The following TRPM3 variants were observed in gnomAD, a reference collection of about 807,000 sequenced individuals.
TRPM3 encodes the protein transient receptor potential cation channel subfamily M member 3.
TRPM3 carries 77 observed loss-of-function variants against 181.2 expected under a neutral mutation model. The ratio of observed to expected loss-of-function variants is 0.42; its 90% CI spans 0.35 to 0.51. TRPM3 has a LOEUF of 0.51. Among genes scored for constraint, TRPM3 ranks in the 20% least tolerant of loss-of-function variants. The probability of loss-of-function intolerance (pLI) is 0.01; values close to 1 mark genes in which losing one functional copy is unlikely to be tolerated. For synonymous variants in TRPM3, 745 were observed against 796.4 expected (o/e 0.94, Z 1.09); for missense variants, 1,759 against 2,196.7 (o/e 0.80, Z 3.98).
At chr9:71,317,633 CCT>C (rs2088746216) in intron 1 of TRPM3, among the ~76,000 whole-genome samples, 1 of 145,790 alleles carries the variant, frequency 6.9e-6, no homozygotes, top group Non-Finnish European at 1.5e-5. Flanking sequence ...AGAGCAAGAC[CCT>C]CTCTCAAAAA....
intron 21 of TRPM3, among the ~76,000 whole-genome samples, chr9:70,592,983 G>T (rs2058389773): frequency 6.6e-6 from 1 of 152,110 alleles, no homozygotes; most frequent in Non-Finnish European, 1.5e-5. Flanking sequence ...ACCCGCCTCG[G>T]CCTCCCAAAG....
intron 1 of TRPM3, among the ~76,000 whole-genome samples, chr9:71,427,138 T>C (rs1475856165): frequency 3.9e-5 from 6 of 152,174 alleles, no homozygotes; most frequent in Admixed American, 3.9e-4. Flanking sequence ...ATTTTTTTTC[T>C]TCAGTGGTCA....
intron 19 of TRPM3, 35 bp from the exon 20 acceptor site, chr9:70,603,505 C>G: frequency 6.2e-7 from 1 of 1,609,116 alleles, no homozygotes; most frequent in Non-Finnish European, 8.5e-7. Flanking sequence ...TCTGGCTGTT[C>G]AGGCCCAGGA....
chr9:71,183,216 G>A (rs747672050), intron 1 of TRPM3, among the ~76,000 whole-genome samples: 5 of 151,966 alleles, frequency 3.3e-5, no homozygotes, highest in African/African-American at 9.7e-5. Context: ...TACTGGATCC[G>A]CACAGTCAAA....
At chr9:71,266,122 T>C (rs1174248291) in intron 1 of TRPM3, among the ~76,000 whole-genome samples, 1 of 152,126 alleles carries the variant, frequency 6.6e-6, no homozygotes, top group Non-Finnish European at 1.5e-5. Context: ...TCCTAAGAAG[T>C]TTCTGCCATT....
At chr9:71,172,215 T>A (rs7043845) in intron 1 of TRPM3, among the ~76,000 whole-genome samples, 3 of 151,710 alleles carry the variant, frequency 2.0e-5, no homozygotes, top group Non-Finnish European at 4.4e-5. Context: ...AGAAGGCAGG[T>A]GTTTTGGAGG....
chr9:70,604,763 C>G, intron 19 of TRPM3, among the ~76,000 whole-genome samples: 1 of 151,266 alleles, frequency 6.6e-6, no homozygotes. Flanking sequence ...TCTCCTACTT[C>G]AGCCTCCTGG....
intron 1 of TRPM3, among the ~76,000 whole-genome samples, chr9:70,942,530 C>T (rs1202598511): frequency 6.6e-6 from 1 of 152,218 alleles, no homozygotes; most frequent in East Asian, 1.9e-4. Flanking sequence ...TTGGAAATTT[C>T]ACTGTACAAG....
At chr9:71,445,581 A>G (rs911126696) in intron 1 of TRPM3, among the ~76,000 whole-genome samples, 23 of 152,260 alleles carry the variant, frequency 1.5e-4, no homozygotes, top group African/African-American at 5.3e-4. Flanking sequence ...TGTTTATATT[A>G]CATTCTGTGG....
intron 1 of TRPM3, among the ~76,000 whole-genome samples, chr9:71,218,328 T>G (rs575946272): frequency 2.6e-5 from 4 of 152,302 alleles, no homozygotes; most frequent in South Asian, 4.1e-4. Context: ...TCTCTATATA[T>G]TAATTCATTT....
intron 1 of TRPM3, among the ~76,000 whole-genome samples, chr9:71,070,611 A>T (rs372893542): frequency 1.3e-5 from 2 of 152,254 alleles, no homozygotes; most frequent in Non-Finnish European, 2.9e-5. Flanking sequence ...TTCACTGTCA[A>T]CTGATACCCA....
chr9:70,992,389 C>A (rs993797196), intron 1 of TRPM3, among the ~76,000 whole-genome samples: 1 of 152,142 alleles, frequency 6.6e-6, no homozygotes, highest in Non-Finnish European at 1.5e-5. Flanking sequence ...TTCTCCTGGT[C>A]CCTCTGGGTA....
chr9:70,929,907 G>A (rs1384381740), intron 1 of TRPM3, among the ~76,000 whole-genome samples: 1 of 152,196 alleles, frequency 6.6e-6, no homozygotes, highest in Non-Finnish European at 1.5e-5. Flanking sequence ...TTAGAAGACA[G>A]CGAAACTGGG....
intron 5 of TRPM3, among the ~76,000 whole-genome samples, chr9:70,836,800 A>G (rs933494664): frequency 2.6e-5 from 4 of 152,194 alleles, no homozygotes; most frequent in African/African-American, 9.6e-5. Context: ...CATCTGTATG[A>G]GATGCCTTCC....
chr9:71,266,285 T>C (rs1479368376), intron 1 of TRPM3, among the ~76,000 whole-genome samples: 3 of 152,080 alleles, frequency 2.0e-5, no homozygotes, highest in Admixed American at 2.0e-4. Flanking sequence ...TTTGAAAATA[T>C]CAAAACAAAG....
chr9:71,354,474 C>T (rs2091811403), intron 1 of TRPM3, among the ~76,000 whole-genome samples: 1 of 152,202 alleles, frequency 6.6e-6, no homozygotes, highest in Non-Finnish European at 1.5e-5. Context: ...TAGAACTATG[C>T]ATTTCCCACA....
intron 6 of TRPM3, among the ~76,000 whole-genome samples, chr9:70,820,613 G>C (rs147671263): frequency 1.9e-3 from 294 of 152,318 alleles, no homozygotes; most frequent in Admixed American, 4.3e-3. Flanking sequence ...ACCTATGGCA[G>C]TGAGGCTGTG....
intron 1 of TRPM3, among the ~76,000 whole-genome samples, chr9:70,975,901 T>C (rs780739062): frequency 2.0e-5 from 3 of 152,218 alleles, no homozygotes; most frequent in Non-Finnish European, 4.4e-5. Context: ...AATATGCTCC[T>C]TGAATGGCTG....
chr9:70,820,009 T>G (rs1210046716), intron 6 of TRPM3, among the ~76,000 whole-genome samples: 4 of 152,168 alleles, frequency 2.6e-5, no homozygotes, highest in African/African-American at 4.8e-5. Flanking sequence ...TTTCAAAATA[T>G]AGTCTCGGTC....
Sources: gnomAD v4.1 joint callset for allele counts (sites outside exome capture counted in the v4.1 genomes callset) on GRCh38, gnomAD v4.1.1 for gene constraint, MANE v1.5 for transcripts, NCBI Gene and HGNC (gene_info 2026-07-23, HGNC 2026-07-21) for gene names.